The following CSMD1 variants were observed in gnomAD, a reference collection of about 807,000 sequenced individuals.
The protein encoded by CSMD1 is CUB and Sushi multiple domains 1, also known as CUB and sushi domain-containing protein 1.
CSMD1 carries 213 observed loss-of-function variants against 417.5 expected under a neutral mutation model. The observed-to-expected ratio is 0.51, with a 90% CI of 0.46 to 0.57. The LOEUF (loss-of-function observed/expected upper bound fraction) is 0.57, where lower values mean the gene tolerates loss of function less well. CSMD1 is among the 20% of genes least tolerant of loss of function. The probability of loss-of-function intolerance (pLI) is 0.00; values close to 1 mark genes in which losing one functional copy is unlikely to be tolerated. For synonymous variants in CSMD1, 2,862 were observed against 1,736.8 expected (o/e 1.65, Z -16.11); for missense variants, 6,923 against 4,529.7 (o/e 1.53, Z -15.17).
intron 1 of CSMD1, chr8:4,787,677 C>T: frequency 6.3e-7 from 1 of 1,589,032 alleles, no homozygotes; most frequent in African/African-American, 1.3e-5. Flanking sequence ...TATAAGTTTA[C>T]CCACCTAAAG....
chr8:3,627,881 T>C (rs903265360), intron 7 of CSMD1, among the ~76,000 whole-genome samples: 1 of 152,216 alleles, frequency 6.6e-6, no homozygotes, highest in Non-Finnish European at 1.5e-5. Context: ...CTGTTTTCAC[T>C]TTTGACCTTT....
intron 3 of CSMD1, among the ~76,000 whole-genome samples, chr8:4,204,277 C>A (rs1559566): frequency 0.99 from 150,016 of 151,140 alleles, 74,446 homozygotes; most frequent in Non-Finnish European, 1. Context: ...AAAAAAAAAA[C>A]CTCAATTTGG....
chr8:3,366,000 C>T lies in CSMD1; in HGVS notation c.3115+1032G>A, dbSNP rs191382077. Among the ~76,000 whole-genome samples the T allele has an allele frequency of 3.5e-3, 540 of 152,250 alleles. 6 individuals are homozygous for T. Among genetic ancestry groups the T allele is most frequent in the African/African-American group, 0.012 (515 of 41,536 alleles). ...TAAGATAAATACTCAACTATTGTGACACATAATCTCATAAGTGGCATCAGA... is the reference window on the plus strand; with the variant it reads ...TAAGATAAATACTCAACTATTGTGATACATAATCTCATAAGTGGCATCAGA... On this transcript the variant is annotated intron_variant, in intron 20 of 69. Coordinates refer to ENST00000635120, the MANE Select transcript of CSMD1 (RefSeq NM_033225.6).
At chr8:3,538,371 G>T (rs560322435) in intron 10 of CSMD1, among the ~76,000 whole-genome samples, 1 of 151,574 alleles carries the variant, frequency 6.6e-6, no homozygotes, top group Non-Finnish European at 1.5e-5. Context: ...GATGCACCTG[G>T]GATTCCACAC....
chr8:3,504,583 C>T (rs1306850461), intron 10 of CSMD1, among the ~76,000 whole-genome samples: 1 of 152,164 alleles, frequency 6.6e-6, no homozygotes. Context: ...TCTGTTATTT[C>T]AAATCTCACG....
chr8:3,540,098 T>C (rs999800994), intron 10 of CSMD1, among the ~76,000 whole-genome samples: 3 of 152,200 alleles, frequency 2.0e-5, no homozygotes, highest in African/African-American at 7.2e-5. Flanking sequence ...GTGATTCTAG[T>C]TGCTTGTAGA....
Position 3,319,561 on chromosome 8 carries a change from A to C in CSMD1, c.3632-11058T>G. ...CTAAATTATATTGAAATATAATTCT[A>C]TGCTTTCAAACACTTCCGCACACAT... is the stretch of plus-strand genomic sequence containing the variant. On this transcript the variant is annotated intron_variant, in intron 23 of 69. Coordinates refer to ENST00000635120, the MANE Select transcript of CSMD1 (RefSeq NM_033225.6). 1.3e-5 allele frequency among the ~76,000 whole-genome samples: 2 copies of C among 152,224 alleles called. 1 individual carries two copies. The highest frequency in any genetic ancestry group is 6.3e-3 in the Middle Eastern group (2 of 316).
intron 3 of CSMD1, among the ~76,000 whole-genome samples, chr8:4,256,590 C>T (rs1329522594): frequency 6.6e-6 from 1 of 152,152 alleles, no homozygotes; most frequent in Non-Finnish European, 1.5e-5. Context: ...GGGGTTTACC[C>T]TCACTTTAGA....
At chr8:3,758,354 T>A (rs183563394) in intron 5 of CSMD1, among the ~76,000 whole-genome samples, 8 of 152,332 alleles carry the variant, frequency 5.3e-5, no homozygotes, top group African/African-American at 1.4e-4. Context: ...TCAAATGAAT[T>A]GTACCCCGAA....
At chr8:4,925,646 A>C (rs1396245084) in intron 1 of CSMD1, among the ~76,000 whole-genome samples, 1 of 150,640 alleles carries the variant, frequency 6.6e-6, no homozygotes, top group African/African-American at 2.4e-5. Context: ...TCCCGGGTTC[A>C]CGCCATTCTC....
At chr8:3,641,337 C>G (rs1053783923) in intron 7 of CSMD1, among the ~76,000 whole-genome samples, 1 of 152,124 alleles carries the variant, frequency 6.6e-6, no homozygotes, top group African/African-American at 2.4e-5. Flanking sequence ...ATGGAACCAA[C>G]AATCCCCAAG....
chr8:4,057,094 C>T (rs564100603), intron 3 of CSMD1, among the ~76,000 whole-genome samples: 29 of 152,268 alleles, frequency 1.9e-4, no homozygotes, highest in African/African-American at 6.0e-4. Flanking sequence ...AGTTCTAGAT[C>T]CCTGAGGAAT....
chr8:4,404,398 C>A (rs184209678), intron 3 of CSMD1, among the ~76,000 whole-genome samples: 1 of 152,220 alleles, frequency 6.6e-6, no homozygotes, highest in African/African-American at 2.4e-5. Context: ...TATGTAATCT[C>A]TAGAAATTGT....
chr8:4,951,582 C>CAA (rs144202801), intron 1 of CSMD1, among the ~76,000 whole-genome samples: 1 of 130,390 alleles, frequency 7.7e-6, no homozygotes, highest in Non-Finnish European at 1.7e-5. Context: ...AGAAAAGAAG[C>CAA]AAAAAAAAAA....
intron 26 of CSMD1, among the ~76,000 whole-genome samples, chr8:3,266,111 G>C (rs774347199): frequency 3.5e-4 from 53 of 151,450 alleles, no homozygotes; most frequent in Non-Finnish European, 7.1e-4. Context: ...AATTTGCAAA[G>C]AGAGAGTATG....
intron 1 of CSMD1, among the ~76,000 whole-genome samples, chr8:4,691,207 TC>T (rs1806748173): frequency 6.6e-6 from 1 of 152,082 alleles, no homozygotes; most frequent in Admixed American, 6.5e-5. Flanking sequence ...AGCAGCAAAC[TC>T]CTAGGGATGG....
At chr8:4,438,673 G>GC (rs1399144984) in intron 2 of CSMD1, among the ~76,000 whole-genome samples, 1 of 152,188 alleles carries the variant, frequency 6.6e-6, no homozygotes, top group Non-Finnish European at 1.5e-5. Context: ...TGCAGGTAGA[G>GC]CCACTTATGC....
rs185087415 is a variant in CSMD1 at position 3,455,099 on chromosome 8, C to T, written c.1561+13613G>A. On this transcript the variant is annotated intron_variant, in intron 12 of 69. Coordinates refer to ENST00000635120, the MANE Select transcript of CSMD1 (RefSeq NM_033225.6). Reference sequence around the variant, plus strand: ...ACTGATACCCTTTCTTTCTATCGATCGAATCGGCTACTGAGGCTTGTGCAT... The same window carrying T: ...ACTGATACCCTTTCTTTCTATCGATTGAATCGGCTACTGAGGCTTGTGCAT... Among the ~76,000 whole-genome samples, 35 of 152,286 alleles carry T rather than the reference C, an allele frequency of 2.3e-4. 1 individual carries two copies. The highest frequency in any genetic ancestry group is 3.9e-4 in the African/African-American group (16 of 41,550).
intron 1 of CSMD1, among the ~76,000 whole-genome samples, chr8:4,732,172 C>T (rs992346978): frequency 6.6e-6 from 1 of 152,074 alleles, no homozygotes; most frequent in Non-Finnish European, 1.5e-5. Context: ...TGTGCAAAAG[C>T]GTTCGGTAGC....
Sources: gnomAD v4.1 joint callset for allele counts (sites outside exome capture counted in the v4.1 genomes callset) on GRCh38, gnomAD v4.1.1 for gene constraint, MANE v1.5 for transcripts, NCBI Gene and HGNC (gene_info 2026-07-23, HGNC 2026-07-21) for gene names.